Variants in PNPLA5 observed in about 807,000 individuals in gnomAD.
The protein encoded by PNPLA5 is patatin-like phospholipase domain-containing protein 5.
In PNPLA5, 44 loss-of-function variants were observed where a neutral mutation model predicts 49.1. The ratio of observed to expected loss-of-function variants is 0.90; its 90% CI spans 0.70 to 1.15. The LOEUF (loss-of-function observed/expected upper bound fraction) is 1.15. Ranked by LOEUF, PNPLA5 falls within the 50% of genes most tolerant of loss-of-function variation. PNPLA5 has a pLI of 0.00. For synonymous variants in PNPLA5, 243 were observed against 244.4 expected, an observed-to-expected ratio of 0.99 and a Z score of 0.06; for missense variants, 603 against 564.0, an observed-to-expected ratio of 1.07 and a Z score of -0.70.
chr22:43,886,124 G>C (rs1298416686), intron 6 of PNPLA5, among the ~76,000 whole-genome samples, 179 bp downstream of exon 6: 3 of 152,206 alleles, frequency 2.0e-5, no homozygotes, highest in African/African-American at 7.2e-5. Flanking sequence ...GGGTTGTGGG[G>C]AAGAATGAAC....
At chr22:43,884,929 G>A (rs1254832867) in intron 6 of PNPLA5, among the ~76,000 whole-genome samples, 4 of 152,152 alleles carry the variant, frequency 2.6e-5, no homozygotes, top group African/African-American at 9.7e-5. Context: ...TCTGGCCACT[G>A]CCCTCTGGAG....
chr22:43,881,542 C>T lies in PNPLA5; in HGVS notation c.1199+16G>A. 6.4e-7 allele frequency: 1 copy of T among 1,566,728 alleles called. No individual in the cohort carries two copies. The highest frequency in any genetic ancestry group is 8.7e-7 in the Non-Finnish European group (1 of 1,155,986). ...ACAGCCACCCCCTCTCCATCCCTGCCCTCTGCCCACCTCACCTGATGGGCC... is the reference window on the plus strand; with the variant it reads ...ACAGCCACCCCCTCTCCATCCCTGCTCTCTGCCCACCTCACCTGATGGGCC... On this transcript the variant is annotated intron_variant, in intron 8 of 8. Transcript: ENST00000216177.
Position 43,886,465 on chromosome 22 carries a change from A to G in PNPLA5, c.787T>C (p.Trp263Arg), listed in dbSNP as rs1487493067. The G allele has an allele frequency of 6.2e-7, 1 of 1,613,712 alleles. No homozygotes were observed. Among genetic ancestry groups the G allele is most frequent in the South Asian group, 1.1e-5 (1 of 90,988 alleles). The change falls in exon 6 of 9, where the codon TGG becomes CGG. Residue 263 changes from tryptophan to arginine, a missense_variant. Physicochemically the swap from Trp to Arg is moderately radical, Grantham distance 101 (BLOSUM62 -3). Coordinates refer to ENST00000216177, the MANE Select transcript of PNPLA5 (RefSeq NM_138814.4). ...GGGGGTTCCTTAGACACCAGCGTCC[A>G]TAGCACTGGTTCCTTGGTGAGTCCT... ...RRGLTKEPVL[W>R]TLVSKEPPAP...
intron 7 of PNPLA5, 148 bp downstream of exon 7, chr22:43,884,065 G>A: frequency 1.5e-6 from 1 of 657,952 alleles, no homozygotes; most frequent in Non-Finnish European, 2.5e-6. Context: ...GAGTCATGCA[G>A]TCAACACCAC....
Position 43,880,788 on chromosome 22 carries a change from G to A in PNPLA5, c.*7C>T, listed in dbSNP as rs559501671. 3.8e-6 allele frequency: 5 copies of A among 1,326,030 alleles called. No homozygotes were observed. Among genetic ancestry groups the A allele is most frequent in the East Asian group, 2.8e-5 (1 of 35,240 alleles). 82.1% of individuals were successfully genotyped at this position (1,326,030 alleles called of 1,614,324 possible). Reference sequence around the variant, plus strand: ...ACCAGTCACTGGGCTGGCCCTGCTCGGCCCCCTCAGGCCTGGTGGGTGGGC... The same window carrying A: ...ACCAGTCACTGGGCTGGCCCTGCTCAGCCCCCTCAGGCCTGGTGGGTGGGC... On this transcript the variant is annotated 3_prime_UTR_variant, in exon 9 of 9. Coordinates refer to ENST00000216177, the MANE Select transcript of PNPLA5 (RefSeq NM_138814.4).
rs1328114549 is a variant in PNPLA5, at chr22:43,891,117, G to A, written c.371C>T (p.Pro124Leu). The change falls in exon 2 of 9, where the codon CCT (proline) becomes CTT (leucine). Residue 124 changes from proline to leucine, a missense_variant. Pro to Leu is a moderately conservative substitution (Grantham distance 98). Transcript: ENST00000216177. ...QRLGISLTRW[P>L]DGRNFLVTDF... is the part of the protein sequence containing the mutation. The stretch of plus-strand genomic sequence containing the variant: ...AGTGACCAAGAAGTTGCGTCCGTCA[G>A]GCCAGCGGGTCAGCGAAATGCCCAG... The A allele has an allele frequency of 1.2e-6, 2 of 1,610,016 alleles. No homozygotes were observed. Among genetic ancestry groups the A allele is most frequent in the Non-Finnish European group, 8.5e-7 (1 of 1,178,060 alleles).
chr22:43,883,543 C>T (rs935284819), intron 7 of PNPLA5, among the ~76,000 whole-genome samples: 22 of 152,370 alleles, frequency 1.4e-4, no homozygotes, highest in African/African-American at 5.3e-4. Flanking sequence ...GTAGCGGTGG[C>T]TCATGCCTGT....
chr22:43,891,168 T>A lies in PNPLA5; in HGVS notation c.320A>T (p.Asp107Val). ...CCGCTGGGAGGCCAGGACGTGGGCG[T>A]CGGGGGGCAGAGCATCCTGCAGCTG... ...KQQLQDALPP[D>V]AHVLASQRLG... The change falls in exon 2 of 9, where the codon GAC becomes GTC. Residue 107 changes from aspartate (D) to valine (V), a missense_variant. Coordinates refer to ENST00000216177, the MANE Select transcript of PNPLA5 (RefSeq NM_138814.4). 6.3e-7 allele frequency: 1 copy of A among 1,599,242 alleles called. No individual in the cohort carries two copies. The highest frequency in any genetic ancestry group is 8.5e-7 in the Non-Finnish European group (1 of 1,170,664).
intron 7 of PNPLA5, among the ~76,000 whole-genome samples, chr22:43,883,300 TG>T (rs1223880176): frequency 7.9e-5 from 12 of 152,132 alleles, no homozygotes; most frequent in Non-Finnish European, 1.5e-4. Context: ...CAGGTGAGTG[TG>T]TGATAATTTG....
At chr22:43,888,371 A>AGTGTGT (rs35343347) in intron 4 of PNPLA5, among the ~76,000 whole-genome samples, 3,935 of 112,884 alleles carry the variant, frequency 0.035, 125 homozygotes, top group African/African-American at 0.077. Flanking sequence ...GGGGCAGAGG[A>AGTGTGT]GTGTGTGTGT....
chr22:43,888,060 A>T (rs796786737), intron 4 of PNPLA5, among the ~76,000 whole-genome samples: 4 of 152,250 alleles, frequency 2.6e-5, no homozygotes, highest in African/African-American at 7.2e-5. Context: ...TTCGATGTTT[A>T]CTTCCAGTAC....
At position 43,886,390 on chromosome 22, in the gene PNPLA5, C is replaced by G. The variant is rs753457329; in HGVS notation, c.862G>C (p.Gly288Arg). 6.2e-7 allele frequency: 1 copy of G among 1,614,192 alleles called. No homozygotes were observed. Among genetic ancestry groups the G allele is most frequent in the Non-Finnish European group, 8.5e-7 (1 of 1,180,034 alleles). ...WDAGCDQRWKGGLSLNWKVPH... is the reference protein window; with the variant it reads ...WDAGCDQRWKRGLSLNWKVPH... ...ACTTTCCAGTTGAGAGACAGGCCCC[C>G]CTTCCAGCGTTGGTCACAGCCAGCA... The change falls in exon 6 of 9, where the codon GGG (glycine) becomes CGG (arginine). Residue 288 changes from glycine to arginine, a missense_variant. Physicochemically the swap from Gly to Arg is moderately radical, Grantham distance 125. Transcript: ENST00000216177.
rs2049707548 is a variant in PNPLA5 at position 43,890,020 on chromosome 22, C to A, written c.427-156G>T. The stretch of plus-strand genomic sequence containing the variant: ...TGAGGCATCACCTCCCAGCCAAGCT[C>A]TCCAAGGGAAGCAGGGATTGGAGCA... On this transcript the variant is annotated intron_variant, in intron 2 of 8. Coordinates refer to ENST00000216177, the MANE Select transcript of PNPLA5 (RefSeq NM_138814.4). The A allele has an allele frequency of 2.5e-5, 35 of 1,420,268 alleles. 1 individual carries two copies. The South Asian group carries it at 5.0e-4, about 20-fold the overall frequency. The allele number at this position is 1,420,268 out of a possible 1,614,324, so 88.0% of individuals were successfully genotyped here. A position where few individuals can be genotyped will look rare whatever the true frequency, so the allele number is the denominator to read the frequency against.
chr22:43,881,895 G>A, intron 7 of PNPLA5: 1 of 394,234 alleles, frequency 2.5e-6, no homozygotes, highest in Non-Finnish European at 3.5e-6. Flanking sequence ...TTTGAACTTG[G>A]CAGAGGTGGC....
Position 43,891,483 on chromosome 22 carries a change from C to CA in PNPLA5, c.194-190dup, listed in dbSNP as rs1227017622. On this transcript the variant is annotated intron_variant, in intron 1 of 8. Transcript: ENST00000216177. ...CTTTTTGCCCCGCCGACCTGGGAAA[C>CA]AGAGTTTCTGGCTCTGAGCCACGAT... 5.4e-6 allele frequency: 5 copies of CA among 925,878 alleles called. No homozygotes were observed. The African/African-American group carries it at 8.9e-5, about 17-fold the overall frequency. 57.4% of individuals were successfully genotyped at this position (925,878 alleles called of 1,614,324 possible).
At chr22:43,887,043 C>A (rs2049671944) in intron 5 of PNPLA5, among the ~76,000 whole-genome samples, 1 of 150,336 alleles carries the variant, frequency 6.7e-6, no homozygotes, top group Non-Finnish European at 1.5e-5. Context: ...CCAGCCCAGA[C>A]CTCTCTGGCA....
At chr22:43,885,398 C>T (rs1421154388) in intron 6 of PNPLA5, among the ~76,000 whole-genome samples, 1 of 150,818 alleles carries the variant, frequency 6.6e-6, no homozygotes, top group Admixed American at 6.6e-5. Context: ...TCCCACCCAG[C>T]TGGGTCCACC....
At position 43,891,858 on chromosome 22, in the gene PNPLA5, C is replaced by T. The variant is rs1234615066; in HGVS notation, c.23G>A (p.Gly8Asp). The T allele has an allele frequency of 1.3e-6, 2 of 1,519,014 alleles. No individual in the cohort carries two copies. The highest frequency in any genetic ancestry group is 2.9e-5 in the African/African-American group (2 of 70,160). The allele number at this position is 1,519,014 out of a possible 1,614,324, so 94.1% of individuals were successfully genotyped here. Reference protein sequence around the residue: MGFLEEEGRWNLSFSGAG... With the variant: MGFLEEEDRWNLSFSGAG... ...GCCGGAGAAGGACAGGTTCCATCTG[C>T]CCTCCTCCTCTAAGAAGCCCATGGC... The change falls in exon 1 of 9, where the codon GGC becomes GAC. Residue 8 changes from glycine (G) to aspartate (D), a missense_variant. Physicochemically the swap from Gly to Asp is moderately conservative, Grantham distance 94 (BLOSUM62 -1). Transcript: ENST00000216177.
intron 5 of PNPLA5, among the ~76,000 whole-genome samples, chr22:43,886,757 G>A (rs981706578): frequency 1.1e-4 from 16 of 152,172 alleles, no homozygotes; most frequent in African/African-American, 3.9e-4. Flanking sequence ...TGCAAGCTAT[G>A]TGACCCAATG....
Sources: allele counts gnomAD v4.1 joint callset (sites outside exome capture counted in the v4.1 genomes callset), GRCh38; gene constraint gnomAD v4.1.1; transcripts MANE v1.5; gene names NCBI Gene and HGNC (gene_info 2026-07-23, HGNC 2026-07-21).